PAFAH1B2: variants seen among roughly 807,000 people sequenced by gnomAD.
PAFAH1B2 encodes platelet-activating factor acetylhydrolase IB subunit alpha2.
In PAFAH1B2, 8 loss-of-function variants were observed where a neutral mutation model predicts 28.0. The ratio of observed to expected loss-of-function variants is 0.29; its 90% confidence interval spans 0.17 to 0.52. The LOEUF is 0.52. Among genes scored for constraint, PAFAH1B2 ranks in the 20% least tolerant of loss-of-function variants. The probability of loss-of-function intolerance (pLI) is 0.97; values close to 1 mark genes in which losing one functional copy is unlikely to be tolerated. For synonymous variants in PAFAH1B2, 104 were observed against 103.2 expected, an observed-to-expected ratio of 1.01 and a Z score of -0.05; for missense variants, 190 against 282.6, an observed-to-expected ratio of 0.67 and a Z score of 2.35.
At chr11:117,165,983 T>C (rs769203889) in intron 5 of PAFAH1B2, among the ~76,000 whole-genome samples, 9 of 152,090 alleles carry the variant, frequency 5.9e-5, no homozygotes, top group Non-Finnish European at 7.4e-5. Flanking sequence ...GAACTACAGG[T>C]GCATGCCACC....
chr11:117,174,790 T>C (rs945806051), downstream of PAFAH1B2: 23 of 681,958 alleles, frequency 3.4e-5, no homozygotes, highest in East Asian at 6.4e-5. Flanking sequence ...ATTTTCTGTA[T>C]TTTTAGTAGA....
chr11:117,146,100 C>T (rs1237718481), intron 1 of PAFAH1B2, among the ~76,000 whole-genome samples: 2 of 142,932 alleles, frequency 1.4e-5, no homozygotes, highest in Non-Finnish European at 3.0e-5. Context: ...TTGCATTCTG[C>T]TTGGTCTTTC....
rs555316569 is a variant in PAFAH1B2, at chr11:117,165,078, C to T, written c.411+1186C>T. Among the ~76,000 whole-genome samples the T allele has an allele frequency of 2.7e-4, 40 of 149,786 alleles. 2 individuals carry two copies. The South Asian group carries it at 8.6e-3, about 32-fold the overall frequency. On this transcript the variant is annotated intron_variant, in intron 5 of 5. Transcript: ENST00000527958. The stretch of plus-strand genomic sequence containing the variant: ...TCACACCATTCTCCTGCCTCAGCCT[C>T]CCGAGTAGCTGGGACTACAGGCGCC...
intron 2 of PAFAH1B2, among the ~76,000 whole-genome samples, chr11:117,156,585 A>T (rs778487205): frequency 6.6e-6 from 1 of 152,210 alleles, no homozygotes; most frequent in Non-Finnish European, 1.5e-5. Context: ...AGGTGGTAGG[A>T]TTATAGATGT....
chr11:117,162,527 G>C (rs1956398618), intron 4 of PAFAH1B2, among the ~76,000 whole-genome samples: 1 of 150,592 alleles, frequency 6.6e-6, no homozygotes, highest in South Asian at 2.1e-4. Flanking sequence ...CACTTTGGGA[G>C]GCTGAGGCAC....
intron 4 of PAFAH1B2, among the ~76,000 whole-genome samples, 198 bp downstream of exon 4, chr11:117,161,459 C>T (rs910166305): frequency 8.6e-5 from 13 of 151,216 alleles, no homozygotes; most frequent in Non-Finnish European, 1.8e-4. Flanking sequence ...AATTGTTTGC[C>T]TATTGGGTTG....
At chr11:117,171,368 G>A (rs1177547948), downstream of PAFAH1B2, among the ~76,000 whole-genome samples, 3 of 152,132 alleles carry the variant, frequency 2.0e-5, no homozygotes, top group Admixed American at 2.0e-4. Flanking sequence ...CTGGGTGAAT[G>A]TCATCAGTCA....
chr11:117,159,147 T>C (rs574757522), intron 2 of PAFAH1B2, among the ~76,000 whole-genome samples: 1 of 152,380 alleles, frequency 6.6e-6, no homozygotes, highest in South Asian at 2.1e-4. Context: ...ACTTTCTGTG[T>C]ATCTACAATT....
Position 117,168,530 on chromosome 11 carries a change from G to A in PAFAH1B2, c.*831G>A. 1 of 1,033,146 alleles carries A rather than the reference G, an allele frequency of 9.7e-7. No homozygotes were observed. The highest frequency in any genetic ancestry group is 1.2e-6 in the Non-Finnish European group (1 of 864,902). The allele number at this position is 1,033,146 out of a possible 1,614,324, so 64.0% of individuals were successfully genotyped here. ...TTTTGACCTAGGAGCCCTGTTGCTG[G>A]AAGTATAGTCTCCAGCCAGTTACTC... On this transcript the variant is annotated 3_prime_UTR_variant, in exon 6 of 6. Coordinates refer to ENST00000527958, the MANE Select transcript of PAFAH1B2 (RefSeq NM_002572.4).
chr11:117,157,096 A>G (rs1282364382), intron 2 of PAFAH1B2, among the ~76,000 whole-genome samples: 1 of 151,666 alleles, frequency 6.6e-6, no homozygotes, highest in Non-Finnish European at 1.5e-5. Flanking sequence ...AGTTGACATG[A>G]TAGGAAAAAG....
intron 2 of PAFAH1B2, among the ~76,000 whole-genome samples, chr11:117,155,150 T>C (rs1463539679): frequency 7.2e-5 from 11 of 152,096 alleles, no homozygotes; most frequent in Admixed American, 6.6e-4. Context: ...AGACGAGGTT[T>C]CCCCGTGTTG....
intron 1 of PAFAH1B2, among the ~76,000 whole-genome samples, chr11:117,148,306 G>GC (rs548150870): frequency 2.8e-4 from 43 of 151,858 alleles, no homozygotes; most frequent in African/African-American, 8.9e-4. Flanking sequence ...TCCTGCCTCG[G>GC]CCCCCCCAAA....
At chr11:117,155,425 A>T (rs965484067) in intron 2 of PAFAH1B2, among the ~76,000 whole-genome samples, 1 of 152,204 alleles carries the variant, frequency 6.6e-6, no homozygotes, top group Non-Finnish European at 1.5e-5. Context: ...AAAATATCCT[A>T]AAGGAACTAA....
At chr11:117,149,789 A>G (rs1222512211) in intron 1 of PAFAH1B2, among the ~76,000 whole-genome samples, 1 of 152,078 alleles carries the variant, frequency 6.6e-6, no homozygotes, top group Non-Finnish European at 1.5e-5. Context: ...TAAGATTCAC[A>G]TGAACAGTAA....
Position 117,167,447 on chromosome 11 carries a change from C to A in PAFAH1B2, c.438C>A (p.Pro146=). ...VLGLLPRGEK[P]NPLRQKNAKV... is the part of the protein sequence containing the mutation. ...GTTTGTTACCTCGAGGTGAGAAACC[C>A]AATCCTTTGAGGCAAAAGAACGCCA... The change falls in exon 6 of 6, where the codon CCC becomes CCA. Residue 146 remains proline (P), a synonymous_variant. Transcript: ENST00000527958. The A allele has an allele frequency of 6.3e-7, 1 of 1,593,854 alleles. No individual in the cohort carries two copies. Among genetic ancestry groups the A allele is most frequent in the Non-Finnish European group, 8.6e-7 (1 of 1,165,574 alleles).
downstream of PAFAH1B2, among the ~76,000 whole-genome samples, chr11:117,177,756 G>T (rs199501485): frequency 6.6e-6 from 1 of 152,160 alleles, no homozygotes; most frequent in African/African-American, 2.4e-5. Flanking sequence ...GGCTGGTCTC[G>T]AACTCCTGAC....
intron 5 of PAFAH1B2, 105 bp downstream of exon 5, chr11:117,163,997 G>GTAT: frequency 8.2e-7 from 1 of 1,216,906 alleles, no homozygotes; most frequent in Non-Finnish European, 1.2e-6. Context: ...TGAGGTGGAA[G>GTAT]CAGTTTATCA....
rs1956555842 is a variant in PAFAH1B2 at position 117,168,201 on chromosome 11, T to C, written c.*502T>C. On this transcript the variant is annotated 3_prime_UTR_variant, in exon 6 of 6. Coordinates refer to ENST00000527958, the MANE Select transcript of PAFAH1B2 (RefSeq NM_002572.4). ...CTGAATATTTTATTAACATGTAGCA[T>C]CAGGTTGAACATGCTTGTCATTGAT... The C allele has an allele frequency of 9.5e-7, 1 of 1,051,158 alleles. No homozygotes were observed. Among genetic ancestry groups the C allele is most frequent in the Non-Finnish European group, 1.2e-6 (1 of 867,692 alleles). 65.1% of individuals were successfully genotyped at this position (1,051,158 alleles called of 1,614,324 possible).
intron 2 of PAFAH1B2, 186 bp from the exon 3 acceptor site, chr11:117,159,748 A>G (rs1165886781): frequency 9.7e-5 from 51 of 527,050 alleles, no homozygotes; most frequent in Admixed American, 2.2e-4. Context: ...AAAAAAAAAA[A>G]AAAGAAAGAA....
Sources: gnomAD v4.1 joint callset for allele counts (sites outside exome capture counted in the v4.1 genomes callset) on GRCh38, gnomAD v4.1.1 for gene constraint, MANE v1.5 for transcripts, NCBI Gene and HGNC (gene_info 2026-07-23, HGNC 2026-07-21) for gene names.